Variants in SEMA6D observed in about 807,000 individuals in gnomAD.
The protein encoded by SEMA6D is semaphorin-6D.
Under a neutral mutation model 106.6 loss-of-function variants are expected in SEMA6D, and 35 were observed. The observed-to-expected ratio is 0.33, with a 90% CI of 0.25 to 0.44. The LOEUF (loss-of-function observed/expected upper bound fraction) is 0.44. Among genes scored for constraint, SEMA6D ranks in the 20% least tolerant of loss-of-function variants. The pLI is 1.00. For missense variants in SEMA6D, 1,185 were observed against 1,345.9 expected, an observed-to-expected ratio of 0.88 and a Z score of 1.87; for synonymous variants, 499 against 487.7, an observed-to-expected ratio of 1.02 and a Z score of -0.31.
At chr15:47,209,695 T>G (rs1216715297) in intron 1 of SEMA6D, among the ~76,000 whole-genome samples, 1 of 152,188 alleles carries the variant, frequency 6.6e-6, no homozygotes, top group Non-Finnish European at 1.5e-5. Flanking sequence ...CATTCCCTGG[T>G]CCCCGTCGCC....
chr15:47,427,259 A>G (rs1160496439), intron 2 of SEMA6D, among the ~76,000 whole-genome samples: 2 of 152,128 alleles, frequency 1.3e-5, no homozygotes, highest in Non-Finnish European at 2.9e-5. Flanking sequence ...TGATCAATAG[A>G]GTGATCCCTT....
chr15:47,576,775 C>A (rs987308030), intron 3 of SEMA6D, among the ~76,000 whole-genome samples: 3 of 152,248 alleles, frequency 2.0e-5, no homozygotes, highest in Non-Finnish European at 2.9e-5. Context: ...CTCTTTAATT[C>A]TCTGTCCAGA....
intron 1 of SEMA6D, among the ~76,000 whole-genome samples, chr15:47,345,467 T>C (rs1362507731): frequency 6.6e-6 from 1 of 152,130 alleles, no homozygotes; most frequent in East Asian, 1.9e-4. Flanking sequence ...GTACAGTTTT[T>C]TTCAACAAAT....
intron 4 of SEMA6D, among the ~76,000 whole-genome samples, chr15:47,620,917 T>C: frequency 6.6e-6 from 1 of 152,014 alleles, no homozygotes; most frequent in East Asian, 1.9e-4. Flanking sequence ...GCATTCCACC[T>C]GTGACCCAGC....
At chr15:47,260,629 A>G (rs1213990344) in intron 1 of SEMA6D, among the ~76,000 whole-genome samples, 1 of 152,130 alleles carries the variant, frequency 6.6e-6, no homozygotes, top group Non-Finnish European at 1.5e-5. Context: ...GTCTCTGTAC[A>G]GGTTGGAGGG....
intron 3 of SEMA6D, among the ~76,000 whole-genome samples, chr15:47,536,436 G>A (rs2045167093): frequency 6.6e-6 from 1 of 152,192 alleles, no homozygotes; most frequent in Non-Finnish European, 1.5e-5. Flanking sequence ...TGAAGGCTTG[G>A]GAGGAGCCCC....
At chr15:47,711,498 G>A (rs988910864) in intron 4 of SEMA6D, among the ~76,000 whole-genome samples, 2 of 152,038 alleles carry the variant, frequency 1.3e-5, no homozygotes, top group Admixed American at 6.5e-5. Context: ...TGAACCCCCC[G>A]TAACTGGGAC....
At chr15:47,390,075 A>C (rs1313226672) in intron 1 of SEMA6D, among the ~76,000 whole-genome samples, 2 of 152,032 alleles carry the variant, frequency 1.3e-5, no homozygotes, top group African/African-American at 4.8e-5. Context: ...CTACCCCAAA[A>C]CTCAGTGGCT....
Position 47,763,847 on chromosome 15 carries a change from C to A in SEMA6D, c.748-3C>A. 1 of 1,612,328 alleles carries A rather than the reference C, an allele frequency of 6.2e-7. No individual in the cohort carries two copies. The highest frequency in any genetic ancestry group is 8.5e-7 in the Non-Finnish European group (1 of 1,179,566). On this transcript the variant is annotated splice_region_variant and splice_polypyrimidine_tract_variant and intron_variant, in intron 9 of 18. Transcript: ENST00000536845. ...CATTGCTTTGCTTCTATCCGTTGGG[C>A]AGGCTGTGTATTCCCGCGTGGCCCG...
intron 4 of SEMA6D, among the ~76,000 whole-genome samples, chr15:47,629,454 T>C (rs1192104203): frequency 1.3e-5 from 2 of 152,022 alleles, no homozygotes; most frequent in African/African-American, 4.8e-5. Context: ...TTTATTGATA[T>C]ATAATAATTT....
At chr15:47,571,198 G>T (rs2046372264) in intron 3 of SEMA6D, among the ~76,000 whole-genome samples, 1 of 151,536 alleles carries the variant, frequency 6.6e-6, no homozygotes, top group African/African-American at 2.4e-5. Context: ...TTACTCTTCG[G>T]CCCACTTGCT....
At chr15:47,551,475 C>T (rs530704792) in intron 3 of SEMA6D, among the ~76,000 whole-genome samples, 34 of 152,210 alleles carry the variant, frequency 2.2e-4, no homozygotes, top group African/African-American at 7.7e-4. Context: ...GAGAATACAA[C>T]CTCTGCAGGA....
chr15:47,379,317 T>C (rs977483329), intron 1 of SEMA6D, among the ~76,000 whole-genome samples: 5 of 152,210 alleles, frequency 3.3e-5, no homozygotes, highest in Admixed American at 1.3e-4. Flanking sequence ...ATTTAATCCA[T>C]TCAATTAAAT....
chr15:47,607,580 T>C (rs193296874), intron 4 of SEMA6D, among the ~76,000 whole-genome samples: 1 of 152,330 alleles, frequency 6.6e-6, no homozygotes. Context: ...GAGAGCATTA[T>C]TGGCTTGAAG....
chr15:47,750,981 G>A (rs1239398888), intron 1 of SEMA6D, among the ~76,000 whole-genome samples: 1 of 152,170 alleles, frequency 6.6e-6, no homozygotes, highest in South Asian at 2.1e-4. Flanking sequence ...GAGGCAAGGA[G>A]CACCCATGCT....
At chr15:47,753,615 G>A (rs1225980848) in intron 1 of SEMA6D, among the ~76,000 whole-genome samples, 1 of 152,212 alleles carries the variant, frequency 6.6e-6, no homozygotes, top group Non-Finnish European at 1.5e-5. Context: ...TAGCATCAGA[G>A]CACACAATGC....
At chr15:47,410,541 A>T (rs993796793) in intron 1 of SEMA6D, among the ~76,000 whole-genome samples, 1 of 152,218 alleles carries the variant, frequency 6.6e-6, no homozygotes, top group African/African-American at 2.4e-5. Context: ...CCATAGTCAG[A>T]TAATACAAGG....
chr15:47,395,666 C>T (rs1399426078), intron 1 of SEMA6D: 1 of 152,208 alleles, frequency 6.6e-6, no homozygotes, highest in Non-Finnish European at 1.5e-5. Context: ...AAGTCCACCA[C>T]CAGGCAAGCT....
At chr15:47,530,771 G>T (rs981455451) in intron 3 of SEMA6D, among the ~76,000 whole-genome samples, 1 of 151,968 alleles carries the variant, frequency 6.6e-6, no homozygotes, top group Non-Finnish European at 1.5e-5. Context: ...GGTGGAGACA[G>T]ACAAATGTGG....
Sources: gnomAD v4.1 joint callset for allele counts (sites outside exome capture counted in the v4.1 genomes callset) on GRCh38, gnomAD v4.1.1 for gene constraint, MANE v1.5 for transcripts, NCBI Gene and HGNC (gene_info 2026-07-23, HGNC 2026-07-21) for gene names.